Variants in TMEM132D observed in about 807,000 individuals in gnomAD.
TMEM132D encodes the protein transmembrane protein 132D.
A neutral mutation model predicts 62.3 loss-of-function variants in TMEM132D; 21 were observed. The ratio of observed to expected loss-of-function variants is 0.34; its 90% CI spans 0.24 to 0.49. The LOEUF is 0.49. Ranked by LOEUF, TMEM132D falls within the 20% of genes least tolerant of loss-of-function variation. The pLI, the probability that TMEM132D is intolerant of heterozygous loss-of-function variation, is 0.99. For missense variants in TMEM132D, 1,346 were observed against 1,402.8 expected (o/e 0.96, Z 0.65); for synonymous variants, 621 against 575.6 (o/e 1.08, Z -1.13).
intron 1 of TMEM132D, among the ~76,000 whole-genome samples, chr12:129,892,906 T>G (rs893203520): frequency 2.0e-5 from 3 of 152,136 alleles, no homozygotes; most frequent in Non-Finnish European, 4.4e-5. Flanking sequence ...TGACAGAGTC[T>G]CACTCTGTCA....
intron 3 of TMEM132D, among the ~76,000 whole-genome samples, chr12:129,417,344 A>G (rs913529187): frequency 6.6e-6 from 1 of 152,206 alleles, no homozygotes; most frequent in Admixed American, 6.5e-5. Context: ...ACTGGTACCA[A>G]AACAGATACG....
chr12:129,493,517 T>G (rs1874861236), intron 3 of TMEM132D, among the ~76,000 whole-genome samples: 1 of 152,236 alleles, frequency 6.6e-6, no homozygotes, highest in Non-Finnish European at 1.5e-5. Context: ...TGTATTCTTG[T>G]AGGTCTGTAC....
At chr12:129,726,215 C>G (rs1259163779) in intron 1 of TMEM132D, among the ~76,000 whole-genome samples, 1 of 152,186 alleles carries the variant, frequency 6.6e-6, no homozygotes, top group Non-Finnish European at 1.5e-5. Context: ...GCTGACTGTG[C>G]TTAAATCCTT....
In TMEM132D at chr12:129,496,184, A is replaced by G. The variant is rs78839395; in HGVS notation, c.1115+34875T>C. ...AGTTTATTAAGTGAATACTCGCACA[A>G]GTTTTTAAAAGCATACTAAGCTATT... is the stretch of plus-strand genomic sequence containing the variant. On this transcript the variant is annotated intron_variant, in intron 3 of 8. Coordinates refer to ENST00000422113, the MANE Select transcript of TMEM132D (RefSeq NM_133448.3). 4.9e-4 allele frequency among the ~76,000 whole-genome samples: 74 copies of G among 152,362 alleles called. 1 individual carries two copies. In the East Asian group the frequency reaches 0.013, roughly 27 times the overall value.
At chr12:129,350,907 A>T (rs1055586329) in intron 3 of TMEM132D, among the ~76,000 whole-genome samples, 1 of 152,246 alleles carries the variant, frequency 6.6e-6, no homozygotes, top group Non-Finnish European at 1.5e-5. Flanking sequence ...AGGTTATGCT[A>T]TACATGACGA....
At chr12:129,197,631 C>G (rs1436288722) in intron 5 of TMEM132D, among the ~76,000 whole-genome samples, 2 of 152,114 alleles carry the variant, frequency 1.3e-5, no homozygotes, top group African/African-American at 4.8e-5. Flanking sequence ...CACACCACAT[C>G]CAAAAATCAA....
At chr12:129,558,691 A>G (rs1877129562) in intron 2 of TMEM132D, among the ~76,000 whole-genome samples, 1 of 152,194 alleles carries the variant, frequency 6.6e-6, no homozygotes, top group Non-Finnish European at 1.5e-5. Context: ...AGAGAATGTA[A>G]AGGGAGTGTC....
chr12:129,676,925 C>T (rs1055470114), intron 2 of TMEM132D, among the ~76,000 whole-genome samples: 4 of 152,316 alleles, frequency 2.6e-5, no homozygotes, highest in Non-Finnish European at 5.9e-5. Context: ...ATCCATTCAA[C>T]TATCCTATCC....
intron 5 of TMEM132D, 41 bp from the exon 6 acceptor site, chr12:129,084,743 C>A (rs1874559986): frequency 1.3e-6 from 2 of 1,595,812 alleles, no homozygotes; most frequent in African/African-American, 1.3e-5. Context: ...GAAAGGTGAG[C>A]TTTCATCCCG....
At chr12:129,323,213 C>A (rs2135644587) in intron 4 of TMEM132D, among the ~76,000 whole-genome samples, 1 of 152,242 alleles carries the variant, frequency 6.6e-6, no homozygotes, top group Admixed American at 6.5e-5. Flanking sequence ...AATGTCCCTT[C>A]TTCCCATTCC....
rs532759000 is a variant in TMEM132D, at chr12:129,659,290, G to C, written c.968+40520C>G. ...ATGGCTGTTTTAAATCACTAAGTGT[G>C]GGGTGGTTACTGATACAGTGATAGA... is the stretch of plus-strand genomic sequence containing the variant. On this transcript the variant is annotated intron_variant, in intron 2 of 8. Transcript: ENST00000422113. Among the ~76,000 whole-genome samples the C allele has an allele frequency of 4.6e-5, 7 of 152,214 alleles. No homozygotes were observed. In the South Asian group the frequency reaches 1.5e-3, roughly 32 times the overall value.
chr12:129,365,865 G>A (rs1346404063), intron 3 of TMEM132D, among the ~76,000 whole-genome samples: 2 of 151,894 alleles, frequency 1.3e-5, no homozygotes, highest in African/African-American at 2.4e-5. Context: ...GCCGCAGGGG[G>A]GCAGCCCAGC....
intron 1 of TMEM132D, among the ~76,000 whole-genome samples, chr12:129,717,668 T>G (rs1761983915): frequency 6.7e-6 from 1 of 150,146 alleles, no homozygotes; most frequent in Non-Finnish European, 1.5e-5. Flanking sequence ...GAAAAATAAT[T>G]TTTTAAATTT....
chr12:129,441,292 C>G (rs1215664279), intron 3 of TMEM132D, among the ~76,000 whole-genome samples: 2 of 152,178 alleles, frequency 1.3e-5, no homozygotes, highest in Admixed American at 1.3e-4. Context: ...GAGCCTTCTC[C>G]CAAGAGCGAG....
intron 4 of TMEM132D, among the ~76,000 whole-genome samples, chr12:129,235,837 T>G (rs1244053698): frequency 1.3e-5 from 2 of 152,184 alleles, no homozygotes; most frequent in Non-Finnish European, 2.9e-5. Flanking sequence ...TGGGGTCTTT[T>G]GTGATCTTAT....
At chr12:129,416,775 G>C (rs1872133595) in intron 3 of TMEM132D, among the ~76,000 whole-genome samples, 3 of 152,052 alleles carry the variant, frequency 2.0e-5, no homozygotes, top group Non-Finnish European at 2.9e-5. Context: ...TTTATTGAAG[G>C]CCTTTTCTGC....
At chr12:129,094,925 C>T (rs111918310) in intron 5 of TMEM132D, among the ~76,000 whole-genome samples, 9,407 of 150,518 alleles carry the variant, frequency 0.062, 975 homozygotes, top group African/African-American at 0.21. Context: ...AGCAAACTAT[C>T]GCAAGGACAA....
intron 5 of TMEM132D, among the ~76,000 whole-genome samples, chr12:129,152,538 T>A (rs993376641): frequency 6.6e-6 from 1 of 152,162 alleles, no homozygotes; most frequent in African/African-American, 2.4e-5. Flanking sequence ...GGAGGCTTTT[T>A]AATAATGAGC....
intron 4 of TMEM132D, among the ~76,000 whole-genome samples, chr12:129,320,610 G>T (rs1324216514): frequency 6.6e-6 from 1 of 152,154 alleles, no homozygotes; most frequent in Non-Finnish European, 1.5e-5. Flanking sequence ...TCATCTAAGA[G>T]CCAAAGAAAG....
Sources: allele counts gnomAD v4.1 joint callset (sites outside exome capture counted in the v4.1 genomes callset), GRCh38; gene constraint gnomAD v4.1.1; transcripts MANE v1.5; gene names NCBI Gene and HGNC (gene_info 2026-07-23, HGNC 2026-07-21).